DMTN: variants seen among roughly 807,000 people sequenced by gnomAD.
DMTN encodes dematin.
Under a neutral mutation model 59.4 loss-of-function variants are expected in DMTN, and 27 were observed. The ratio of observed to expected loss-of-function variants is 0.45; its 90% CI spans 0.33 to 0.63. The LOEUF (loss-of-function observed/expected upper bound fraction) is 0.63. DMTN is among the 20% of genes least tolerant of loss of function. DMTN has a pLI of 0.02. For missense variants in DMTN, 451 were observed against 528.9 expected (o/e 0.85, Z 1.45); for synonymous variants, 221 against 203.7 (o/e 1.08, Z -0.72).
upstream of DMTN, among the ~76,000 whole-genome samples, chr8:22,050,745 C>T (rs573439860): frequency 2.0e-5 from 3 of 151,594 alleles, no homozygotes; most frequent in Admixed American, 1.3e-4. Context: ...CGCCTGCTCC[C>T]GCCCTGGGTC....
In DMTN at chr8:22,080,610, T is replaced by C. The variant is rs1405389536; in HGVS notation, c.950-8T>C. On this transcript the variant is annotated splice_region_variant and splice_polypyrimidine_tract_variant and intron_variant, in intron 12 of 15. Coordinates refer to ENST00000358242, the MANE Select transcript of DMTN (RefSeq NM_001387751.1). ...CTGCATCTGACCCATGCCCCTTCTC[T>C]CCCGCAGGCCTGCAGGTGAGTGCCT... 1 of 1,608,660 alleles carries C rather than the reference T, an allele frequency of 6.2e-7. No homozygotes were observed. Among genetic ancestry groups the C allele is most frequent in the Non-Finnish European group, 8.5e-7 (1 of 1,177,466 alleles).
intron 5 of DMTN, 56 bp downstream of exon 5, chr8:22,069,116 C>T: frequency 6.4e-7 from 1 of 1,570,348 alleles, no homozygotes; most frequent in South Asian, 1.1e-5. Context: ...GGGATCCTAA[C>T]TCCCTCCCCT....
At chr8:22,056,429 G>A (rs776018790), upstream of DMTN, among the ~76,000 whole-genome samples, 3 of 152,160 alleles carry the variant, frequency 2.0e-5, no homozygotes, top group Non-Finnish European at 4.4e-5. Context: ...CATGAATAGG[G>A]TAGGAGGTGC....
At chr8:22,080,298 G>A in intron 11 of DMTN, 54 bp downstream of exon 11, 4 of 1,613,640 alleles carry the variant, frequency 2.5e-6, no homozygotes, top group South Asian at 2.2e-5. Context: ...TGCATGTGGG[G>A]TGCTGAGGGA....
chr8:22,062,353 G>A (rs967638668), intron 1 of DMTN, among the ~76,000 whole-genome samples: 6 of 152,060 alleles, frequency 3.9e-5, no homozygotes, highest in East Asian at 1.9e-4. Context: ...CCACCTCTGC[G>A]TCCCAAAGTG....
At position 22,069,931 on chromosome 8, in the gene DMTN, C is replaced by G; in HGVS notation, c.445C>G (p.Gln149Glu). The G allele has an allele frequency of 6.2e-7, 1 of 1,614,172 alleles. No homozygotes were observed. The highest frequency in any genetic ancestry group is 8.5e-7 in the Non-Finnish European group (1 of 1,180,008). ...NIYKKPPIYK[Q>E]RESVGGSPQT... ...CTACAAGAAGCCTCCCATCTATAAGCAGAGAGGTGAGGGCGCCCCTGGCTC... is the reference window on the plus strand; with the variant it reads ...CTACAAGAAGCCTCCCATCTATAAGGAGAGAGGTGAGGGCGCCCCTGGCTC... The change falls in exon 7 of 16, where the codon CAG becomes GAG. Residue 149 changes from glutamine to glutamate, a missense_variant. Gln to Glu is a conservative substitution (Grantham distance 29). Transcript: ENST00000358242.
At chr8:22,080,131 G>T (rs777732291) in intron 10 of DMTN, 49 bp from the exon 11 acceptor site, 36 of 1,608,518 alleles carry the variant, frequency 2.2e-5, no homozygotes, top group Non-Finnish European at 2.9e-5. Flanking sequence ...CTCAGGAAGG[G>T]CTGTCAGGGC....
intron 1 of DMTN, among the ~76,000 whole-genome samples, chr8:22,066,334 C>T (rs1400674666): frequency 6.6e-6 from 1 of 151,730 alleles, no homozygotes; most frequent in Non-Finnish European, 1.5e-5. Flanking sequence ...CCTGGGCGAG[C>T]GCGGGGAGGT....
chr8:22,067,107 G>C lies in DMTN; in HGVS notation c.41G>C (p.Ser14Thr). ...LQKQPLTSPG[S>T]VSPSRDSSVP... ...CAGCAACCACTTACCTCCCCCGGGA[G>C]CGTGAGCCCCTCCCGAGATTCCAGT... Residue 14 changes from serine (S) to threonine (T), a missense_variant, in exon 3 of 16, where the codon AGC becomes ACC. Ser to Thr is a moderately conservative substitution (Grantham distance 58, BLOSUM62 1). Transcript: ENST00000358242. 1 of 1,606,110 alleles carries C rather than the reference G, an allele frequency of 6.2e-7. No homozygotes were observed. Among genetic ancestry groups the C allele is most frequent in the Non-Finnish European group, 8.5e-7 (1 of 1,176,930 alleles).
upstream of DMTN, among the ~76,000 whole-genome samples, chr8:22,052,895 G>A (rs1801495891): frequency 6.6e-6 from 1 of 152,128 alleles, no homozygotes; most frequent in Admixed American, 6.5e-5. Flanking sequence ...CACAGCTAGT[G>A]AGCACTGCAC....
At chr8:22,079,428 A>G (rs10103645) in intron 10 of DMTN, among the ~76,000 whole-genome samples, 141,674 of 149,994 alleles carry the variant, frequency 0.94, 67,048 homozygotes, top group East Asian at 0.99. Context: ...TTCAGCCTGG[A>G]TGACACACGG....
chr8:22,062,960 C>T (rs1011395447), intron 1 of DMTN, among the ~76,000 whole-genome samples: 4 of 152,184 alleles, frequency 2.6e-5, no homozygotes, highest in Non-Finnish European at 5.9e-5. Context: ...CTGGCTATTT[C>T]TTTTCAGTTC....
chr8:22,070,400 T>G, intron 8 of DMTN, 66 bp downstream of exon 8: 57 of 1,519,726 alleles, frequency 3.8e-5, no homozygotes, highest in Non-Finnish European at 4.5e-5. Context: ...CCCTTGGCTC[T>G]TGCTGCAGTC....
rs535292770 is a variant in DMTN, at chr8:22,076,761, C to T, written c.835+2926C>T. On this transcript the variant is annotated intron_variant, in intron 10 of 15. Transcript: ENST00000358242. ...TTCTTTTTTGGGTGACATATATATACACACACACACACATATACATATATA... is the reference window on the plus strand; with the variant it reads ...TTCTTTTTTGGGTGACATATATATATACACACACACACATATACATATATA... Among the ~76,000 whole-genome samples the T allele has an allele frequency of 1.3e-4, 20 of 150,106 alleles. No homozygotes were observed. In the South Asian group the frequency reaches 1.5e-3, roughly 11 times the overall value.
In DMTN at chr8:22,068,997, G is replaced by C. The variant is rs1812981419; in HGVS notation, c.250-19G>C. 6.2e-7 allele frequency: 1 copy of C among 1,612,036 alleles called. No homozygotes were observed. Among genetic ancestry groups the C allele is most frequent in the Admixed American group, 1.7e-5 (1 of 59,876 alleles). On this transcript the variant is annotated intron_variant, in intron 4 of 15. Coordinates refer to ENST00000358242, the MANE Select transcript of DMTN (RefSeq NM_001387751.1). ...GAATCTGCCCCTGTAGCTCTGACCA[G>C]CCCCCTCTCCATTCACAGCGCTCGC...
At position 22,069,493 on chromosome 8, in the gene DMTN, CA is replaced by C; in HGVS notation, c.370del (p.Ser124AlafsTer107). ...APRTTGTPRTSLPHFHHPETS... is the reference protein window; with the variant it reads ...APRTTGTPRTXLPHFHHPETS... ...CCAGAACCACTGGAACCCCCCGGAC[CA>C]GCCTGCCCCATTTCCACCACCCTGG... On this transcript the variant is annotated frameshift_variant, in exon 6 of 16. Coordinates refer to ENST00000358242, the MANE Select transcript of DMTN (RefSeq NM_001387751.1). LOFTEE classifies it high-confidence loss of function. The C allele has an allele frequency of 1.2e-6, 2 of 1,606,484 alleles. No individual in the cohort carries two copies. The highest frequency in any genetic ancestry group is 1.7e-6 in the Non-Finnish European group (2 of 1,177,024).
chr8:22,055,197 C>G (rs138604659), upstream of DMTN, among the ~76,000 whole-genome samples: 349 of 152,264 alleles, frequency 2.3e-3, no homozygotes, highest in African/African-American at 8.2e-3. Flanking sequence ...TCAGCTCATT[C>G]CAACTCTACC....
chr8:22,066,961 C>A, intron 2 of DMTN, 68 bp downstream of exon 2: 1 of 1,243,990 alleles, frequency 8.0e-7, no homozygotes, highest in Non-Finnish European at 1.0e-6. Flanking sequence ...TCCAGGGCGC[C>A]ACCTGGTGGC....
rs945100761 is a variant in DMTN, at chr8:22,060,500, G to A, written c.-172+3364G>A. 5.3e-5 allele frequency among the ~76,000 whole-genome samples: 8 copies of A among 151,892 alleles called. No homozygotes were observed. The highest frequency in any genetic ancestry group is 1.3e-4 in the Admixed American group (2 of 15,272). On this transcript the variant is annotated intron_variant, in intron 1 of 15. Transcript: ENST00000358242. The surrounding 1 kb of genome is among the most constrained non-coding windows in gnomAD (Gnocchi z 5.0). The stretch of plus-strand genomic sequence containing the variant: ...TTCTCCACCCCCATTTTCCCGGCTG[G>A]CCTTCTGACAGCTTAAAATTTAACC...
Sources: gnomAD v4.1 joint callset for allele counts (sites outside exome capture counted in the v4.1 genomes callset) on GRCh38, gnomAD v4.1.1 for gene constraint, Gnocchi (gnomAD v3.1) non-coding constraint, MANE v1.5 for transcripts, NCBI Gene and HGNC (gene_info 2026-07-23, HGNC 2026-07-21) for gene names.